BICDL1: variants seen among roughly 807,000 people sequenced by gnomAD.
BICDL1 encodes BICD family-like cargo adapter 1.
In BICDL1, 20 loss-of-function variants were observed where a neutral mutation model predicts 76.8. That is an observed-to-expected ratio of 0.26 (90% CI 0.18 to 0.38). The LOEUF (loss-of-function observed/expected upper bound fraction) is 0.38. BICDL1 is among the 10% of genes least tolerant of loss of function. BICDL1 has a pLI of 1.00. For synonymous variants in BICDL1, 383 were observed against 337.1 expected (o/e 1.14, Z -1.49); for missense variants, 700 against 798.6 (o/e 0.88, Z 1.49).
chr12:120,042,753 C>T lies in BICDL1; in HGVS notation c.646-18957C>T, dbSNP rs929093005. Among the ~76,000 whole-genome samples, 10 of 150,146 alleles carry T rather than the reference C, an allele frequency of 6.7e-5. No individual in the cohort carries two copies. In the East Asian group the frequency reaches 1.6e-3, roughly 24 times the overall value. ...CCGGGAGGCGAAGGTTGCAGTGAGC[C>T]GAGATTGTGCCACTGCGCTCCAGCC... On this transcript the variant is annotated intron_variant, in intron 2 of 9. Coordinates refer to ENST00000548673, the MANE Select transcript of BICDL1 (RefSeq NM_001367886.1).
chr12:120,015,517 C>G (rs769888282), intron 2 of BICDL1, among the ~76,000 whole-genome samples: 1 of 152,130 alleles, frequency 6.6e-6, no homozygotes, highest in African/African-American at 2.4e-5. Flanking sequence ...TGCTTTAGTC[C>G]CTTTCTTTTG....
chr12:120,050,724 C>T (rs575057032), intron 2 of BICDL1, among the ~76,000 whole-genome samples: 1 of 152,186 alleles, frequency 6.6e-6, no homozygotes, highest in South Asian at 2.1e-4. Flanking sequence ...TCACTGCAAC[C>T]TCTGCCTCCC....
intron 8 of BICDL1, among the ~76,000 whole-genome samples, chr12:120,083,219 C>G (rs183593553): frequency 1.3e-3 from 192 of 152,298 alleles, no homozygotes; most frequent in African/African-American, 4.5e-3. Flanking sequence ...TGGAAACAAA[C>G]ATATTTACAT....
At position 120,090,019 on chromosome 12, in the gene BICDL1, T is replaced by G. The variant is rs1252250192; in HGVS notation, c.1652T>G (p.Leu551Arg). ...MDMMSLNSQLLDAIQQKLNLS... is the reference protein window; with the variant it reads ...MDMMSLNSQLRDAIQQKLNLS... Reference sequence around the variant, plus strand: ...ATGATGTCTCTGAACAGCCAGTTGCTGGATGCCATTCAGCAGAAACTGAAC... The same window carrying G: ...ATGATGTCTCTGAACAGCCAGTTGCGGGATGCCATTCAGCAGAAACTGAAC... Residue 551 changes from leucine (L) to arginine (R), a missense_variant, in exon 9 of 10, where the codon CTG (leucine) becomes CGG (arginine). By Grantham distance (102) the Leu-to-Arg change is moderately radical. Around this residue, in one of 3 missense-constraint regions of BICDL1, gnomAD observed 455 missense variants for 548.7 expected, o/e 0.83. Transcript: ENST00000548673. 6.2e-7 allele frequency: 1 copy of G among 1,614,068 alleles called. No homozygotes were observed. Among genetic ancestry groups the G allele is most frequent in the African/African-American group, 1.3e-5 (1 of 74,928 alleles).
chr12:119,999,292 A>G (rs1463663254), intron 2 of BICDL1, among the ~76,000 whole-genome samples: 3 of 152,210 alleles, frequency 2.0e-5, no homozygotes, highest in African/African-American at 7.2e-5. Context: ...TCTCATTTTT[A>G]AAATGAAGGG....
At chr12:120,045,392 C>A (rs1276574714) in intron 2 of BICDL1, among the ~76,000 whole-genome samples, 1 of 151,684 alleles carries the variant, frequency 6.6e-6, no homozygotes, top group Non-Finnish European at 1.5e-5. Context: ...CTAGAAATAC[C>A]ATTTGACCCA....
intron 2 of BICDL1, among the ~76,000 whole-genome samples, chr12:120,038,641 C>G (rs1952572917): frequency 1.3e-5 from 2 of 151,938 alleles, no homozygotes; most frequent in Non-Finnish European, 2.9e-5. Flanking sequence ...CTGTTGTGAG[C>G]CAAGACTTTT....
At chr12:120,002,538 C>T (rs1951778533) in intron 2 of BICDL1, among the ~76,000 whole-genome samples, 1 of 152,184 alleles carries the variant, frequency 6.6e-6, no homozygotes, top group African/African-American at 2.4e-5. Flanking sequence ...ATACTTAGAA[C>T]CCTTAATTTT....
chr12:120,057,635 A>G (rs1380715245), intron 2 of BICDL1, among the ~76,000 whole-genome samples: 1 of 152,164 alleles, frequency 6.6e-6, no homozygotes, highest in Non-Finnish European at 1.5e-5. Context: ...TGGAAGGTGC[A>G]TTAGCTCCTT....
rs1372028411 is a variant in BICDL1, at chr12:120,072,633, C to T, written c.1212C>T (p.Thr404=). The T allele has an allele frequency of 6.2e-7, 1 of 1,614,184 alleles. No individual in the cohort carries two copies. The highest frequency in any genetic ancestry group is 1.7e-5 in the Admixed American group (1 of 60,026). ...CCTCCATGGACGAGTCTTCAGAAAC[C>T]TCGTCCGCCAAGGATGTGCCAGCCG... ...TDSSMDESSE[T]SSAKDVPAGS... is the part of the protein sequence containing the mutation. Residue 404 remains threonine (T), a synonymous_variant, in exon 6 of 10, where the codon ACC becomes ACT. Coordinates refer to ENST00000548673, the MANE Select transcript of BICDL1 (RefSeq NM_001367886.1).
chr12:120,014,128 C>T (rs888729219), intron 2 of BICDL1, among the ~76,000 whole-genome samples: 2 of 152,178 alleles, frequency 1.3e-5, no homozygotes, highest in African/African-American at 2.4e-5. Context: ...CAAAGTAATT[C>T]TGTTTACTTA....
intron 8 of BICDL1, among the ~76,000 whole-genome samples, chr12:120,083,592 T>G (rs1874160172): frequency 6.6e-6 from 1 of 152,038 alleles, no homozygotes; most frequent in Non-Finnish European, 1.5e-5. Context: ...ACCAAAAATG[T>G]GTCTACTTTG....
At chr12:120,080,110 G>A (rs1873851332) in intron 7 of BICDL1, among the ~76,000 whole-genome samples, 1 of 152,250 alleles carries the variant, frequency 6.6e-6, no homozygotes, top group Non-Finnish European at 1.5e-5. Flanking sequence ...GGGATGCACA[G>A]ATGGATGTGA....
chr12:120,072,765 G>C, intron 6 of BICDL1, 36 bp downstream of exon 6: 1 of 1,578,220 alleles, frequency 6.3e-7, no homozygotes, highest in Non-Finnish European at 8.7e-7. Context: ...TTACCCCACA[G>C]GAGCTGGCTG....
chr12:120,005,519 G>A (rs969447586), intron 2 of BICDL1, among the ~76,000 whole-genome samples: 1 of 152,064 alleles, frequency 6.6e-6, no homozygotes, highest in Non-Finnish European at 1.5e-5. Flanking sequence ...AATTACAGGC[G>A]AGTGCCACCA....
At chr12:120,088,162 C>A (rs533137432) in intron 8 of BICDL1, among the ~76,000 whole-genome samples, 1 of 152,090 alleles carries the variant, frequency 6.6e-6, no homozygotes, top group South Asian at 2.1e-4. Flanking sequence ...GAACTCCCAA[C>A]CTCAGGTGAT....
At position 120,074,538 on chromosome 12, in the gene BICDL1, G is replaced by T. The variant is rs1175221838; in HGVS notation, c.1404G>T (p.Arg468Ser). The change falls in exon 7 of 10, where the codon AGG becomes AGT. Residue 468 changes from arginine (R) to serine (S), a missense_variant. Coordinates refer to ENST00000548673, the MANE Select transcript of BICDL1 (RefSeq NM_001367886.1). ...TAAGGGAGCTCATGGAGGGAGAGAG[G>T]GGTAAACTGAGGCAAAGCCTAGAAG... ...RALRELMEGE[R>S]GKLRQSLEEL... 7.1e-6 allele frequency: 9 copies of T among 1,275,146 alleles called. No homozygotes were observed. Among genetic ancestry groups the T allele is most frequent in the Non-Finnish European group, 9.2e-6 (9 of 981,580 alleles). 79.0% of individuals were successfully genotyped at this position (1,275,146 alleles called of 1,614,324 possible).
At chr12:119,999,062 G>GGGA (rs10659159) in intron 2 of BICDL1, among the ~76,000 whole-genome samples, 8 of 95,258 alleles carry the variant, frequency 8.4e-5, no homozygotes, top group African/African-American at 3.1e-4. Flanking sequence ...GCCTGTCTCG[G>GGGA]AAAAAAAAAA....
At chr12:119,999,397 G>A (rs1348240106) in intron 2 of BICDL1, among the ~76,000 whole-genome samples, 6 of 152,138 alleles carry the variant, frequency 3.9e-5, no homozygotes, top group East Asian at 1.9e-4. Flanking sequence ...ATGTTAATTC[G>A]TTTAGTTCAA....
Sources: gnomAD v4.1 joint callset for allele counts (sites outside exome capture counted in the v4.1 genomes callset) on GRCh38, gnomAD v4.1.1 for gene constraint, gnomAD v4.1.1 regional missense constraint, MANE v1.5 for transcripts, NCBI Gene and HGNC (gene_info 2026-07-23, HGNC 2026-07-21) for gene names.